The following CDC14B variants were observed in gnomAD, a reference collection of about 807,000 sequenced individuals.
CDC14B encodes cell division cycle 14B.
CDC14B carries 22 observed loss-of-function variants against 64.2 expected under a neutral mutation model. The observed-to-expected ratio is 0.34, with a 90% CI of 0.24 to 0.49. The LOEUF (loss-of-function observed/expected upper bound fraction) is 0.49. Ranked by LOEUF, CDC14B falls within the 20% of genes least tolerant of loss-of-function variation. The pLI is 0.99. For synonymous variants in CDC14B, 191 were observed against 215.8 expected (o/e 0.89, Z 1.01); for missense variants, 498 against 629.9 (o/e 0.79, Z 2.24).
rs776533882 is a variant in CDC14B, at chr9:96,523,576, C to A, written c.1085+11G>T. On this transcript the variant is annotated intron_variant, in intron 10 of 13. Transcript: ENST00000375241. ...GTTCCCTGGGAACTACAGACGTAGGCTACTACTTACATCACCAAAAACTGC... is the reference window on the plus strand; with the variant it reads ...GTTCCCTGGGAACTACAGACGTAGGATACTACTTACATCACCAAAAACTGC... 46 of 1,614,036 alleles carry A rather than the reference C, an allele frequency of 2.9e-5. No homozygotes were observed. In the South Asian group the frequency reaches 4.6e-4, roughly 16 times the overall value.
chr9:96,546,805 GT>G (rs539204021), intron 5 of CDC14B, among the ~76,000 whole-genome samples: 203 of 151,990 alleles, frequency 1.3e-3, no homozygotes, highest in African/African-American at 4.7e-3. Context: ...GCTCATGCCT[GT>G]AATCCCAGCA....
At chr9:96,597,802 T>C (rs570729228) in intron 1 of CDC14B, among the ~76,000 whole-genome samples, 4 of 152,318 alleles carry the variant, frequency 2.6e-5, no homozygotes, top group Non-Finnish European at 2.9e-5. Context: ...GAGTTTACTG[T>C]CCTCATTTAA....
chr9:96,587,900 A>T (rs1415926317), intron 1 of CDC14B, among the ~76,000 whole-genome samples: 3 of 152,126 alleles, frequency 2.0e-5, no homozygotes, highest in African/African-American at 7.2e-5. Context: ...TCTCATTATT[A>T]TATCATAGTG....
chr9:96,588,882 A>T (rs1845615264), intron 1 of CDC14B, among the ~76,000 whole-genome samples: 1 of 152,230 alleles, frequency 6.6e-6, no homozygotes, highest in Non-Finnish European at 1.5e-5. Context: ...TATATTTATT[A>T]TCTATTTTAT....
chr9:96,510,795 G>A lies in CDC14B; in HGVS notation c.1344-1006C>T, dbSNP rs1048372039. ...TAATTTTTGTATTTTTAGTAGAGAT[G>A]AGGCTTTGCCATGTTGGCCAAGCTG... On this transcript the variant is annotated intron_variant, in intron 12 of 13. Transcript: ENST00000375241. 4.6e-5 allele frequency among the ~76,000 whole-genome samples: 7 copies of A among 152,006 alleles called. No homozygotes were observed. In the South Asian group the frequency reaches 1.5e-3, roughly 32 times the overall value.
chr9:96,597,776 A>G (rs559302258), intron 1 of CDC14B, among the ~76,000 whole-genome samples: 1 of 152,320 alleles, frequency 6.6e-6, no homozygotes, highest in East Asian at 1.9e-4. Flanking sequence ...TAACTACTAC[A>G]TGGAGAAATG....
chr9:96,614,159 G>A (rs1033666372), intron 1 of CDC14B, among the ~76,000 whole-genome samples: 1 of 151,936 alleles, frequency 6.6e-6, no homozygotes, highest in African/African-American at 2.4e-5. Flanking sequence ...AAAAGGTAAA[G>A]AAATTTAACA....
Position 96,564,681 on chromosome 9 carries a change from C to T in CDC14B, c.327+96G>A. The T allele has an allele frequency of 1.0e-5, 7 of 693,392 alleles. No homozygotes were observed. The South Asian group carries it at 1.2e-4, about 12-fold the overall frequency. 43.0% of individuals were successfully genotyped at this position (693,392 alleles called of 1,614,324 possible). On this transcript the variant is annotated intron_variant, in intron 3 of 13. Transcript: ENST00000375241. ...TCCCAAACACCACTGCAGTGAAAAA[C>T]ATGTCATTTCCTTTTTAAAAAGAGA...
At chr9:96,561,387 G>C (rs1048979906) in intron 4 of CDC14B, among the ~76,000 whole-genome samples, 1 of 152,188 alleles carries the variant, frequency 6.6e-6, no homozygotes, top group Non-Finnish European at 1.5e-5. Context: ...CTATACTCCA[G>C]AAAATAATTT....
intron 1 of CDC14B, among the ~76,000 whole-genome samples, chr9:96,601,975 C>T (rs1287785955): frequency 6.7e-6 from 1 of 150,188 alleles, no homozygotes; most frequent in Non-Finnish European, 1.5e-5. Context: ...AGGAGAATGG[C>T]GTGAACCCAG....
intron 1 of CDC14B, among the ~76,000 whole-genome samples, chr9:96,573,770 T>C (rs1334425500): frequency 2.0e-5 from 3 of 152,112 alleles, no homozygotes; most frequent in African/African-American, 7.2e-5. Context: ...TTACATGTAA[T>C]AAATTACATG....
chr9:96,525,910 G>A (rs944245842), intron 9 of CDC14B, among the ~76,000 whole-genome samples: 1 of 152,140 alleles, frequency 6.6e-6, no homozygotes, highest in Admixed American at 6.5e-5. Flanking sequence ...TTTGAGGGGG[G>A]CCAGATGGCA....
intron 13 of CDC14B, among the ~76,000 whole-genome samples, chr9:96,506,245 A>G (rs1276744772): frequency 6.6e-6 from 1 of 152,122 alleles, no homozygotes; most frequent in Non-Finnish European, 1.5e-5. Context: ...TTACTCAACA[A>G]TCTTAGCTCA....
intron 7 of CDC14B, among the ~76,000 whole-genome samples, chr9:96,536,426 T>C (rs1458813504): frequency 6.6e-6 from 1 of 152,248 alleles, no homozygotes; most frequent in East Asian, 1.9e-4. Context: ...AAATGTTTAA[T>C]GTTTTAAGGA....
intron 1 of CDC14B, among the ~76,000 whole-genome samples, chr9:96,575,494 C>G (rs772119925): frequency 1.3e-5 from 2 of 152,004 alleles, no homozygotes; most frequent in African/African-American, 2.4e-5. Flanking sequence ...ACTAGAAGAA[C>G]TATATAAGTT....
chr9:96,503,719 G>A lies in CDC14B; in HGVS notation c.*34C>T. 1 of 1,598,278 alleles carries A rather than the reference G, an allele frequency of 6.3e-7. No homozygotes were observed. Among genetic ancestry groups the A allele is most frequent in the Non-Finnish European group, 8.6e-7 (1 of 1,166,300 alleles). ...ATTTCTGTTGCAGTTTTCAGTCCTAGAGTCTTCCTTCAGCTCTGGTCACAG... is the reference window on the plus strand; with the variant it reads ...ATTTCTGTTGCAGTTTTCAGTCCTAAAGTCTTCCTTCAGCTCTGGTCACAG... On this transcript the variant is annotated 3_prime_UTR_variant, in exon 14 of 14. Transcript: ENST00000375241.
chr9:96,561,059 C>G (rs1843111251), intron 4 of CDC14B, among the ~76,000 whole-genome samples: 1 of 152,080 alleles, frequency 6.6e-6, no homozygotes, highest in Admixed American at 6.5e-5. Context: ...GCCTCAGCCT[C>G]CCGAGTAGCT....
At chr9:96,614,706 T>C (rs112534564) in intron 1 of CDC14B, among the ~76,000 whole-genome samples, 4,161 of 152,224 alleles carry the variant, frequency 0.027, 179 homozygotes, top group African/African-American at 0.094. Context: ...AGGAGGTTCA[T>C]AGAAAAATCT....
chr9:96,569,402 T>A (rs1208705279), intron 1 of CDC14B, among the ~76,000 whole-genome samples: 1 of 152,184 alleles, frequency 6.6e-6, no homozygotes, highest in Non-Finnish European at 1.5e-5. Context: ...AGTAGCTAGA[T>A]GGAAATGGGA....
Sources: gnomAD v4.1 joint callset for allele counts (sites outside exome capture counted in the v4.1 genomes callset) on GRCh38, gnomAD v4.1.1 for gene constraint, MANE v1.5 for transcripts, NCBI Gene and HGNC (gene_info 2026-07-23, HGNC 2026-07-21) for gene names.